Variants in CNTN6 observed in about 807,000 individuals in gnomAD.
CNTN6 encodes contactin 6, also known as contactin-6.
CNTN6 carries 137 observed loss-of-function variants against 122.8 expected under a neutral mutation model. That is an observed-to-expected ratio of 1.12 (90% CI 0.97 to 1.29). The LOEUF (loss-of-function observed/expected upper bound fraction) is 1.29, where lower values mean the gene tolerates loss of function less well. Ranked by LOEUF, CNTN6 falls within the 50% of genes most tolerant of loss-of-function variation. The pLI is 0.00. For missense variants in CNTN6, 1,634 were observed against 1,223.4 expected (o/e 1.34, Z -5.01); for synonymous variants, 570 against 426.0 (o/e 1.34, Z -4.16).
chr3:1,381,788 T>G (rs1691931122), intron 17 of CNTN6, among the ~76,000 whole-genome samples: 1 of 152,200 alleles, frequency 6.6e-6, no homozygotes, highest in African/African-American at 2.4e-5. Context: ...TTGCCTGCTC[T>G]GTGTATATCT....
At chr3:1,273,062 C>T (rs1231037118) in intron 4 of CNTN6, among the ~76,000 whole-genome samples, 1 of 152,146 alleles carries the variant, frequency 6.6e-6, no homozygotes, top group Non-Finnish European at 1.5e-5. Flanking sequence ...TTCGTGACTG[C>T]ATTTTTGCTT....
rs1199017169 is a variant in CNTN6, at chr3:1,327,405, G to T, written c.1084-52G>T. 3.2e-6 allele frequency: 5 copies of T among 1,557,214 alleles called. No individual in the cohort carries two copies. In the East Asian group the frequency reaches 9.1e-5, roughly 28 times the overall value. ...TTGTTTAATAACATATCCTGGTTAA[G>T]AGAATGCTATATTAACGTACAAGCA... is the stretch of plus-strand genomic sequence containing the variant. On this transcript the variant is annotated intron_variant, in intron 9 of 22. Coordinates refer to ENST00000446702, the MANE Select transcript of CNTN6 (RefSeq NM_001289080.2).
At position 1,201,099 on chromosome 3, in the gene CNTN6, T is replaced by TTGTGTGTGTGTG. The variant is rs57028088; in HGVS notation, c.56-19552_56-19541dup. 3.5e-3 allele frequency among the ~76,000 whole-genome samples: 452 copies of TTGTGTGTGTGTG among 130,074 alleles called. 5 individuals are homozygous for TTGTGTGTGTGTG. Among genetic ancestry groups the TTGTGTGTGTGTG allele is most frequent in the East Asian group, 0.022 (93 of 4,280 alleles). The allele number at this position is 130,074 out of a possible 152,430, so 85.3% of individuals were successfully genotyped here. ...GGCACCACTGTGCCCAGCTAACATT[T>TTGTGTGTGTGTG]TGTGTGTGTGTGTGTGTGTGTGTGT... On this transcript the variant is annotated intron_variant, in intron 2 of 22. Transcript: ENST00000446702.
chr3:1,201,831 A>G (rs1038337552), intron 2 of CNTN6, among the ~76,000 whole-genome samples: 16 of 152,192 alleles, frequency 1.1e-4, no homozygotes, highest in Non-Finnish European at 2.9e-5. Context: ...AATTAATAGC[A>G]TAGAAATTCC....
At chr3:1,099,319 C>T (rs547531694) in intron 1 of CNTN6, among the ~76,000 whole-genome samples, 261 of 151,814 alleles carry the variant, frequency 1.7e-3, no homozygotes, top group Middle Eastern at 3.4e-3. Flanking sequence ...GGTGTGGTGG[C>T]GGGCGCCTGT....
chr3:1,245,914 TAA>T (rs59509148), intron 4 of CNTN6, among the ~76,000 whole-genome samples: 1 of 148,866 alleles, frequency 6.7e-6, no homozygotes, highest in Non-Finnish European at 1.5e-5. Flanking sequence ...GCTGATGAGC[TAA>T]AAAAAAAATT....
chr3:1,244,024 A>C (rs1018972401), intron 4 of CNTN6, among the ~76,000 whole-genome samples: 1 of 152,134 alleles, frequency 6.6e-6, no homozygotes, highest in Non-Finnish European at 1.5e-5. Flanking sequence ...ACCTCAGACC[A>C]TTTGCCCATT....
At chr3:1,277,687 A>C (rs1692666221) in intron 4 of CNTN6, among the ~76,000 whole-genome samples, 1 of 152,162 alleles carries the variant, frequency 6.6e-6, no homozygotes, top group East Asian at 1.9e-4. Context: ...TAAATAACTA[A>C]TTGAATGAAT....
chr3:1,123,644 T>C (rs1182677311), intron 1 of CNTN6, among the ~76,000 whole-genome samples: 2 of 151,994 alleles, frequency 1.3e-5, no homozygotes, highest in East Asian at 1.9e-4. Flanking sequence ...GGTTTTGTTA[T>C]TTATTTTCTT....
intron 4 of CNTN6, among the ~76,000 whole-genome samples, chr3:1,228,454 G>A (rs986137052): frequency 3.9e-5 from 6 of 152,128 alleles, no homozygotes; most frequent in Non-Finnish European, 5.9e-5. Flanking sequence ...GGTTGCCAAA[G>A]GCAGGCTTTA....
Position 1,245,312 on chromosome 3 carries a change from ATATAT to A in CNTN6, c.358+17320_358+17324del, listed in dbSNP as rs1160059667. Among the ~76,000 whole-genome samples, 122 of 19,210 alleles carry A rather than the reference ATATAT, an allele frequency of 6.4e-3. 20 individuals carry two copies. The highest frequency in any genetic ancestry group is 0.026 in the African/African-American group (122 of 4,742). 12.6% of individuals were successfully genotyped at this position (19,210 alleles called of 152,430 possible). ...ATATATAACATATATATATATATAT[ATATAT>A]ATATATATATATATATATAGCATGG... On this transcript the variant is annotated intron_variant, in intron 4 of 22. Transcript: ENST00000446702.
intron 2 of CNTN6, among the ~76,000 whole-genome samples, chr3:1,171,051 G>A (rs1039524879): frequency 1.3e-5 from 2 of 152,166 alleles, no homozygotes; most frequent in Non-Finnish European, 2.9e-5. Flanking sequence ...TAGCAGCAAT[G>A]GCCAATGCCA....
intron 7 of CNTN6, among the ~76,000 whole-genome samples, chr3:1,316,253 A>G (rs982788835): frequency 1.3e-5 from 2 of 151,914 alleles, no homozygotes; most frequent in Non-Finnish European, 2.9e-5. Flanking sequence ...TGGGCAATTT[A>G]TAAAGAAAAG....
At chr3:1,386,054 C>A (rs991619829) in intron 20 of CNTN6, among the ~76,000 whole-genome samples, 4 of 152,194 alleles carry the variant, frequency 2.6e-5, no homozygotes, top group Non-Finnish European at 5.9e-5. Flanking sequence ...ATGTTTAAGA[C>A]TGGCCCTGAC....
intron 5 of CNTN6, among the ~76,000 whole-genome samples, chr3:1,287,465 T>C: frequency 6.6e-6 from 1 of 152,130 alleles, no homozygotes; most frequent in East Asian, 1.9e-4. Context: ...AGATGGAAAT[T>C]GGGAAGAAAA....
At chr3:1,192,586 C>T (rs1401624653) in intron 2 of CNTN6, among the ~76,000 whole-genome samples, 1 of 152,108 alleles carries the variant, frequency 6.6e-6, no homozygotes. Context: ...TTCTGTTCTT[C>T]TGGAGGTAAA....
At chr3:1,209,009 T>C (rs773936461) in intron 2 of CNTN6, among the ~76,000 whole-genome samples, 1 of 152,156 alleles carries the variant, frequency 6.6e-6, no homozygotes, top group Non-Finnish European at 1.5e-5. Flanking sequence ...TAAGCAATGA[T>C]GTAGAATTTT....
intron 20 of CNTN6, among the ~76,000 whole-genome samples, chr3:1,395,880 C>T (rs1694925328): frequency 6.6e-6 from 1 of 152,132 alleles, no homozygotes; most frequent in Non-Finnish European, 1.5e-5. Context: ...GATAGGAGGA[C>T]ACAAATGCTT....
chr3:1,321,902 T>C, intron 8 of CNTN6, 68 bp downstream of exon 8: 1 of 1,339,042 alleles, frequency 7.5e-7, no homozygotes, highest in Non-Finnish European at 1.0e-6. Context: ...ATTGTGGAAG[T>C]CATTAGCATG....
Sources: allele counts gnomAD v4.1 joint callset (sites outside exome capture counted in the v4.1 genomes callset), GRCh38; gene constraint gnomAD v4.1.1; transcripts MANE v1.5; gene names NCBI Gene and HGNC (gene_info 2026-07-23, HGNC 2026-07-21).